Variants in PCDH15 observed in about 807,000 individuals in gnomAD.
PCDH15 encodes the protein protocadherin-15.
Under a neutral mutation model 178.5 loss-of-function variants are expected in PCDH15, and 129 were observed. The observed-to-expected ratio is 0.72, with a 90% confidence interval of 0.63 to 0.84. The LOEUF is 0.84. Ranked by LOEUF, PCDH15 falls within the 40% of genes least tolerant of loss-of-function variation. PCDH15 has a pLI of 0.00. For missense variants in PCDH15, 2,230 were observed against 2,099.9 expected (o/e 1.06, Z -1.21); for synonymous variants, 800 against 732.0 (o/e 1.09, Z -1.50).
chr10:54,496,657 C>T (rs1476560663), intron 3 of PCDH15, among the ~76,000 whole-genome samples: 1 of 152,076 alleles, frequency 6.6e-6, no homozygotes, highest in Non-Finnish European at 1.5e-5. Context: ...TTCACCTTTT[C>T]TCCAACATTT....
At chr10:55,122,801 A>G (rs950185218) in intron 2 of PCDH15, among the ~76,000 whole-genome samples, 5 of 152,200 alleles carry the variant, frequency 3.3e-5, no homozygotes, top group African/African-American at 1.2e-4. Context: ...AAAATAGGTG[A>G]CAAATACAAA....
intron 18 of PCDH15, among the ~76,000 whole-genome samples, chr10:54,043,391 CTCTT>C (rs1460098640): frequency 1.4e-5 from 2 of 143,484 alleles, no homozygotes; most frequent in African/African-American, 2.6e-5. Context: ...CTCTCTCTTT[CTCTT>C]TCTTTCTTTT....
At chr10:55,029,736 TTC>T (rs1274349398) in intron 2 of PCDH15, among the ~76,000 whole-genome samples, 1 of 152,158 alleles carries the variant, frequency 6.6e-6, no homozygotes, top group Non-Finnish European at 1.5e-5. Flanking sequence ...GCACCAACTT[TTC>T]TCTCTGTTTA....
intron 1 of PCDH15, among the ~76,000 whole-genome samples, chr10:55,217,213 T>C (rs1165335857): frequency 6.6e-6 from 1 of 151,894 alleles, no homozygotes; most frequent in African/African-American, 2.4e-5. Flanking sequence ...TCGAAAGAAA[T>C]TTGTGAGACA....
chr10:53,813,303 TGTAG>T (rs960358018), intron 35 of PCDH15, among the ~76,000 whole-genome samples: 1 of 152,196 alleles, frequency 6.6e-6, no homozygotes, highest in African/African-American at 2.4e-5. Context: ...CCCTAGATCC[TGTAG>T]GTATTGACGC....
At chr10:54,078,076 T>C (rs554201379) in intron 17 of PCDH15, among the ~76,000 whole-genome samples, 1 of 152,140 alleles carries the variant, frequency 6.6e-6, no homozygotes, top group African/African-American at 2.4e-5. Flanking sequence ...AAAATAATAA[T>C]AATAATTAGG....
intron 2 of PCDH15, among the ~76,000 whole-genome samples, chr10:55,415,852 C>T (rs1177877349): frequency 6.6e-6 from 1 of 151,588 alleles, no homozygotes; most frequent in Non-Finnish European, 1.5e-5. Flanking sequence ...AATGAGTTGA[C>T]TGAAAAATGT....
At chr10:54,027,431 A>G (rs2093139938) in intron 18 of PCDH15, among the ~76,000 whole-genome samples, 1 of 152,262 alleles carries the variant, frequency 6.6e-6, no homozygotes, top group South Asian at 2.1e-4. Context: ...ACAGAATTGG[A>G]AAAAACTACT....
intron 1 of PCDH15, among the ~76,000 whole-genome samples, chr10:55,213,842 G>A (rs540179128): frequency 3.0e-4 from 45 of 151,164 alleles, no homozygotes; most frequent in Non-Finnish European, 6.1e-4. Flanking sequence ...AGCTTATTTT[G>A]TTTTTCCTTT....
rs150836629 is a variant in PCDH15, at chr10:54,597,554, AAAC to A, written c.91+66615_91+66617del. The stretch of plus-strand genomic sequence containing the variant: ...TTAAAAAGCTACAGAAGCAAGAGAA[AAAC>A]AACAACAACAACAAAATAACAACAA... On this transcript the variant is annotated intron_variant, in intron 2 of 37. Coordinates refer to ENST00000644397, the MANE Select transcript of PCDH15 (RefSeq NM_001384140.1). 6.4e-3 allele frequency among the ~76,000 whole-genome samples: 977 copies of A among 152,082 alleles called. 28 individuals carry two copies. The East Asian group carries it at 0.086, about 13-fold the overall frequency.
chr10:55,051,187 T>C (rs114207991), intron 2 of PCDH15, among the ~76,000 whole-genome samples: 2,273 of 152,224 alleles, frequency 0.015, 63 homozygotes, highest in African/African-American at 0.052. Flanking sequence ...ATTATAATGA[T>C]ATATTAAAAA....
chr10:55,230,642 G>C (rs573932609), intron 1 of PCDH15, among the ~76,000 whole-genome samples: 1 of 151,982 alleles, frequency 6.6e-6, no homozygotes, highest in African/African-American at 2.4e-5. Flanking sequence ...CAGAGACAGC[G>C]GACAGTGTTA....
intron 2 of PCDH15, among the ~76,000 whole-genome samples, chr10:54,966,703 G>A (rs1838801791): frequency 6.6e-6 from 1 of 152,046 alleles, no homozygotes; most frequent in Non-Finnish European, 1.5e-5. Flanking sequence ...AGTCTCATGA[G>A]ATCTGATGTT....
At chr10:54,126,870 G>A (rs1002152016) in intron 15 of PCDH15, among the ~76,000 whole-genome samples, 21 of 151,812 alleles carry the variant, frequency 1.4e-4, no homozygotes, top group African/African-American at 5.1e-4. Context: ...ATTTTTGTTT[G>A]TTTATATGTT....
intron 23 of PCDH15, among the ~76,000 whole-genome samples, chr10:53,945,915 A>G (rs1203699853): frequency 6.9e-6 from 1 of 145,954 alleles, no homozygotes; most frequent in African/African-American, 2.5e-5. Flanking sequence ...TCACTGATAG[A>G]TATTTTGTTT....
intron 19 of PCDH15, among the ~76,000 whole-genome samples, chr10:54,022,407 C>T (rs2092951796): frequency 6.6e-6 from 1 of 151,864 alleles, no homozygotes; most frequent in Non-Finnish European, 1.5e-5. Context: ...TTGTAACTCT[C>T]TATATTTTTT....
At chr10:53,955,679 A>G (rs903217932) in intron 23 of PCDH15, among the ~76,000 whole-genome samples, 2 of 152,194 alleles carry the variant, frequency 1.3e-5, no homozygotes, top group African/African-American at 4.8e-5. Flanking sequence ...ATCTTGAGCT[A>G]TCATTTTTAT....
chr10:55,283,189 C>A (rs1842777013), intron 1 of PCDH15, among the ~76,000 whole-genome samples: 1 of 152,058 alleles, frequency 6.6e-6, no homozygotes, highest in Non-Finnish European at 1.5e-5. Context: ...GCAGACCCTG[C>A]ACTGGATGAA....
At chr10:55,226,675 C>T (rs1185092782) in intron 1 of PCDH15, among the ~76,000 whole-genome samples, 2 of 151,980 alleles carry the variant, frequency 1.3e-5, no homozygotes, top group East Asian at 1.9e-4. Context: ...AGCCACTGCG[C>T]CCGGCCAAGA....
Sources: gnomAD v4.1 joint callset for allele counts (sites outside exome capture counted in the v4.1 genomes callset) on GRCh38, gnomAD v4.1.1 for gene constraint, MANE v1.5 for transcripts, NCBI Gene and HGNC (gene_info 2026-07-23, HGNC 2026-07-21) for gene names.